The following TBX22 variants were observed in gnomAD, a reference collection of about 807,000 sequenced individuals.
TBX22 encodes the protein T-box transcription factor TBX22.
A neutral mutation model predicts 30.1 loss-of-function variants in TBX22; 8 were observed. The observed-to-expected ratio is 0.27, with a 90% CI of 0.16 to 0.48. The LOEUF is 0.48. Among genes scored for constraint, TBX22 ranks in the 20% least tolerant of loss-of-function variants. The pLI, the probability that TBX22 is intolerant of heterozygous loss-of-function variation, is 0.99. For missense variants in TBX22, 463 were observed against 400.5 expected, an observed-to-expected ratio of 1.16 and a Z score of -1.33; for synonymous variants, 173 against 149.1, an observed-to-expected ratio of 1.16 and a Z score of -1.17.
intron 1 of TBX22, 166 bp from the exon 2 acceptor site, chrX:80,022,102 T>C: frequency 2.1e-6 from 1 of 471,953 alleles, no homozygotes; most frequent in East Asian, 3.8e-5. Context: ...CAGAAATTGT[T>C]TTTCAGATTT....
At chrX:80,026,645 G>GA in intron 5 of TBX22, 59 bp from the exon 6 acceptor site, 4 of 1,126,617 alleles carry the variant, frequency 3.6e-6, no homozygotes, top group Non-Finnish European at 4.9e-6. Context: ...TCAGGAGAGG[G>GA]AACTAGGGTT....
chrX:80,022,109 A>G, intron 1 of TBX22, 159 bp from the exon 2 acceptor site: 1 of 482,948 alleles, frequency 2.1e-6, no homozygotes, highest in East Asian at 3.8e-5. Context: ...TGTTTTTCAG[A>G]TTTGGGTTTT....
intron 4 of TBX22, 135 bp from the exon 5 acceptor site, chrX:80,025,468 G>C (rs1198773358): frequency 1.8e-6 from 1 of 547,416 alleles, no homozygotes; most frequent in Admixed American, 2.5e-5. Context: ...ATGCTTGTTA[G>C]AAATTAAGTT....
chrX:80,024,384 C>G, intron 4 of TBX22, among the ~76,000 whole-genome samples: 1 of 111,675 alleles, frequency 9.0e-6, no homozygotes, highest in Non-Finnish European at 1.9e-5. Context: ...CCCATCCCCT[C>G]TTGGAATGCC....
chrX:80,021,917 G>C (rs195295), intron 1 of TBX22, among the ~76,000 whole-genome samples: 47,561 of 110,165 alleles, frequency 0.43, 9,961 homozygotes, highest in East Asian at 0.86. Flanking sequence ...CTGCACATGT[G>C]CACTGGGAGG....
chrX:80,031,001 C>A lies in TBX22; in HGVS notation c.1453C>A (p.Leu485Met), dbSNP rs768802533. 1 of 1,211,806 alleles carries A rather than the reference C, an allele frequency of 8.3e-7. No homozygotes were observed. Among genetic ancestry groups the A allele is most frequent in the Admixed American group, 2.2e-5 (1 of 46,073 alleles). ...YRYNFSMPSR[L>M]ISGSNHLKVN... Reference sequence around the variant, plus strand: ...ATACAATTTCTCTATGCCATCTAGACTGATAAGTGGTTCCAACCATCTTAA... The same window carrying A: ...ATACAATTTCTCTATGCCATCTAGAATGATAAGTGGTTCCAACCATCTTAA... Residue 485 changes from leucine (L) to methionine (M), a missense_variant, in exon 9 of 9, where the codon CTG becomes ATG. Leu to Met is a conservative substitution (Grantham distance 15). Coordinates refer to ENST00000373296, the MANE Select transcript of TBX22 (RefSeq NM_001109878.2).
In TBX22 at chrX:80,027,309, T is replaced by G. The variant is rs199999833; in HGVS notation, c.852T>G (p.Thr284=). 30 of 1,085,231 alleles carry G rather than the reference T, an allele frequency of 2.8e-5. No homozygotes were observed. In the Admixed American group the frequency reaches 6.6e-4, roughly 24 times the overall value. The allele number at this position is 1,085,231 out of a possible 1,213,427, so 89.4% of individuals were successfully genotyped here. The change falls in exon 7 of 9, where the codon ACT becomes ACG. Residue 284 remains threonine, a synonymous_variant. Coordinates refer to ENST00000373296, the MANE Select transcript of TBX22 (RefSeq NM_001109878.2). ...RNPFAKGFRD[T]GRNRGVLDGL... ...CTTTTGCTAAAGGATTTAGAGATAC[T>G]GGAAGAAACAGGTAAGCAGCATAGC...
At chrX:80,025,883 T>C (rs1217462811) in intron 5 of TBX22, 106 bp downstream of exon 5, 11 of 716,266 alleles carry the variant, frequency 1.5e-5, no homozygotes, top group East Asian at 3.5e-5. Flanking sequence ...ACATGTTGTG[T>C]TTTTTAGGAA....
intron 3 of TBX22, 111 bp from the exon 4 acceptor site, chrX:80,023,952 G>T: frequency 1.5e-6 from 1 of 662,899 alleles, no homozygotes; most frequent in Non-Finnish European, 2.5e-6. Context: ...AAAAGGGAAG[G>T]GTATTGTGAG....
Position 80,030,481 on chromosome X carries a change from T to A in TBX22, c.950-17T>A. 8.3e-7 allele frequency: 1 copy of A among 1,211,294 alleles called. No individual in the cohort carries two copies. Among genetic ancestry groups the A allele is most frequent in the Non-Finnish European group, 1.1e-6 (1 of 894,954 alleles). ...AATGTCAAGTTCATTATTCATTGGC[T>A]GAATTGTCATTCACAGGTGGAAGCA... On this transcript the variant is annotated splice_polypyrimidine_tract_variant and intron_variant, in intron 8 of 8. Coordinates refer to ENST00000373296, the MANE Select transcript of TBX22 (RefSeq NM_001109878.2).
At position 80,025,737 on chromosome X, in the gene TBX22, G is replaced by A. The variant is rs200542790; in HGVS notation, c.593G>A (p.Arg198His). 22 of 1,208,351 alleles carry A rather than the reference G, an allele frequency of 1.8e-5. No individual in the cohort carries two copies. Among genetic ancestry groups the A allele is most frequent in the African/African-American group, 5.3e-5 (3 of 57,141 alleles). Residue 198 changes from arginine to histidine, a missense_variant, in exon 5 of 9, where the codon CGC becomes CAC. Transcript: ENST00000373296. ...ATGCGGCAGATCATCAGCTTTGATCGCATGAAACTCACCAACAATGAGATG... is the reference window on the plus strand; with the variant it reads ...ATGCGGCAGATCATCAGCTTTGATCACATGAAACTCACCAACAATGAGATG... ...TWMRQIISFD[R>H]MKLTNNEMDD...
intron 6 of TBX22, 55 bp from the exon 7 acceptor site, chrX:80,027,201 C>A: frequency 1.5e-6 from 1 of 673,411 alleles, no homozygotes; most frequent in Non-Finnish European, 2.4e-6. Flanking sequence ...GCAATGGCAA[C>A]AGTGTTCTTA....
At chrX:80,024,513 G>A (rs761514183) in intron 4 of TBX22, among the ~76,000 whole-genome samples, 3 of 110,278 alleles carry the variant, frequency 2.7e-5, no homozygotes, top group Non-Finnish European at 5.7e-5. Context: ...GAAGGGAAGC[G>A]GGTTGAAGGA....
intron 3 of TBX22, among the ~76,000 whole-genome samples, chrX:80,023,796 T>A (rs990452211): frequency 1.8e-5 from 2 of 111,961 alleles, no homozygotes; most frequent in Non-Finnish European, 3.8e-5. Flanking sequence ...TTCTCTTCTA[T>A]AGCTTTTTAT....
intron 2 of TBX22, chrX:80,022,744 G>T: frequency 2.3e-6 from 1 of 425,953 alleles, no homozygotes; most frequent in East Asian, 3.9e-5. Context: ...TGGGAAGCAG[G>T]GCGAGTTCCC....
At chrX:80,019,450 A>G (rs1923585607) in intron 1 of TBX22, among the ~76,000 whole-genome samples, 1 of 111,851 alleles carries the variant, frequency 8.9e-6, no homozygotes, top group African/African-American at 3.2e-5. Flanking sequence ...ATCAAACTTA[A>G]AAAACATATT....
At chrX:80,027,569 G>T (rs755905278) in intron 7 of TBX22, among the ~76,000 whole-genome samples, 10 of 111,055 alleles carry the variant, frequency 9.0e-5, no homozygotes, top group Non-Finnish European at 1.3e-4. Context: ...AGTAGAGATG[G>T]GGTTTCACCA....
Position 80,026,820 on chromosome X carries a change from C to G in TBX22, c.750C>G (p.Ser250=). 1 of 1,211,678 alleles carries G rather than the reference C, an allele frequency of 8.3e-7. No individual in the cohort carries two copies. The highest frequency in any genetic ancestry group is 1.1e-6 in the Non-Finnish European group (1 of 895,413). The change falls in exon 6 of 9, where the codon TCC becomes TCG. Residue 250 remains serine, a synonymous_variant. Transcript: ENST00000373296. ...SLPTEGVKTF[S]FKETEFTTVT... is the part of the protein sequence containing the mutation. ...CCACTGAAGGTGTTAAAACATTCTCCTTTAAAGAAACTGAGTTCACCACAG... is the reference window on the plus strand; with the variant it reads ...CCACTGAAGGTGTTAAAACATTCTCGTTTAAAGAAACTGAGTTCACCACAG...
chrX:80,017,638 C>CA (rs1288903576), intron 1 of TBX22, among the ~76,000 whole-genome samples: 3 of 111,523 alleles, frequency 2.7e-5, no homozygotes, highest in African/African-American at 9.8e-5. Context: ...TTTGGACTTT[C>CA]AAAAAGGTTT....
Sources: allele counts gnomAD v4.1 joint callset (sites outside exome capture counted in the v4.1 genomes callset), GRCh38; gene constraint gnomAD v4.1.1; transcripts MANE v1.5; gene names NCBI Gene and HGNC (gene_info 2026-07-23, HGNC 2026-07-21).